Variants in CSF2 observed in about 807,000 individuals in gnomAD.
CSF2 encodes the protein colony stimulating factor 2, also known as granulocyte-macrophage colony-stimulating factor.
A neutral mutation model predicts 13.5 loss-of-function variants in CSF2; 2 were observed. That is an observed-to-expected ratio of 0.15 (90% CI 0.06 to 0.47). The LOEUF is 0.47. CSF2 is among the 20% of genes least tolerant of loss of function. CSF2 has a pLI of 0.97. For synonymous variants in CSF2, 66 were observed against 69.2 expected (o/e 0.95, Z 0.23); for missense variants, 141 against 179.7 (o/e 0.78, Z 1.23).
rs1310133819 is a variant in CSF2, at chr5:132,075,881, G to A, written c.*29G>A. 6.6e-7 allele frequency: 1 copy of A among 1,511,362 alleles called. No homozygotes were observed. The highest frequency in any genetic ancestry group is 1.4e-5 in the African/African-American group (1 of 72,826). The allele number at this position is 1,511,362 out of a possible 1,614,324, so 93.6% of individuals were successfully genotyped here. A position where few individuals can be genotyped will look rare whatever the true frequency, so the allele number is the denominator to read the frequency against. On this transcript the variant is annotated 3_prime_UTR_variant, in exon 4 of 4. Coordinates refer to ENST00000296871, the MANE Select transcript of CSF2 (RefSeq NM_000758.4). Reference sequence around the variant, plus strand: ...CGGCCAGATGAGGCTGGCCAAGCCGGGGAGCTGCTCTCTCATGAAACAAGA... The same window carrying A: ...CGGCCAGATGAGGCTGGCCAAGCCGAGGAGCTGCTCTCTCATGAAACAAGA...
At position 132,074,074 on chromosome 5, in the gene CSF2, T is replaced by A. The variant is rs925385229; in HGVS notation, c.160-7T>A. 3 of 1,613,840 alleles carry A rather than the reference T, an allele frequency of 1.9e-6. No homozygotes were observed. Among genetic ancestry groups the A allele is most frequent in the South Asian group, 2.2e-5 (2 of 91,086 alleles). ...GCTTGATAACATGACATTTTCCTTTTCTACAGAATGAAACAGTAGAAGTCA... is the reference window on the plus strand; with the variant it reads ...GCTTGATAACATGACATTTTCCTTTACTACAGAATGAAACAGTAGAAGTCA... On this transcript the variant is annotated splice_polypyrimidine_tract_variant and splice_region_variant and intron_variant, in intron 1 of 3. Coordinates refer to ENST00000296871, the MANE Select transcript of CSF2 (RefSeq NM_000758.4).
intron 2 of CSF2, 81 bp downstream of exon 2, chr5:132,074,203 A>ACT: frequency 1.3e-6 from 2 of 1,495,880 alleles, no homozygotes; most frequent in Non-Finnish European, 1.9e-6. Context: ...AGATGGCACC[A>ACT]CACAGGGTTG....
intron 3 of CSF2, among the ~76,000 whole-genome samples, chr5:132,075,207 AG>A (rs2069628): frequency 0.041 from 6,283 of 152,326 alleles, 407 homozygotes; most frequent in African/African-American, 0.14. Context: ...GTCAGAGGTG[AG>A]GGCAAACCCA....
In CSF2 at chr5:132,073,795, C is replaced by T; in HGVS notation, c.-29C>T. 6.2e-7 allele frequency: 1 copy of T among 1,611,352 alleles called. No homozygotes were observed. The highest frequency in any genetic ancestry group is 1.3e-5 in the African/African-American group (1 of 75,024). On this transcript the variant is annotated 5_prime_UTR_variant, in exon 1 of 4. Transcript: ENST00000296871. ...CTCTTTTGCCAGTGAGCCCAGTACA[C>T]AGAGAGAAAGGCTAAAGTTCTCTGG...
Position 132,075,898 on chromosome 5 carries a change from G to T in CSF2, c.*46G>T. 1 of 1,422,542 alleles carries T rather than the reference G, an allele frequency of 7.0e-7. No homozygotes were observed. The highest frequency in any genetic ancestry group is 2.3e-5 in the East Asian group (1 of 43,788). 88.1% of individuals were successfully genotyped at this position (1,422,542 alleles called of 1,614,324 possible). A position where few individuals can be genotyped will look rare whatever the true frequency, so the allele number is the denominator to read the frequency against. On this transcript the variant is annotated 3_prime_UTR_variant, in exon 4 of 4. Coordinates refer to ENST00000296871, the MANE Select transcript of CSF2 (RefSeq NM_000758.4). Reference sequence around the variant, plus strand: ...CCAAGCCGGGGAGCTGCTCTCTCATGAAACAAGAGCTAGAAACTCAGGATG... The same window carrying T: ...CCAAGCCGGGGAGCTGCTCTCTCATTAAACAAGAGCTAGAAACTCAGGATG...
chr5:132,075,690 C>T (rs1188850610), intron 3 of CSF2, 55 bp from the exon 4 acceptor site: 2 of 1,336,670 alleles, frequency 1.5e-6, no homozygotes, highest in South Asian at 2.3e-5. Context: ...GCTTCCTTCC[C>T]CCACGTTACC....
In CSF2 at chr5:132,074,100, T is replaced by C. The variant is rs1400922263; in HGVS notation, c.179T>C (p.Ile60Thr). 13 of 1,613,864 alleles carry C rather than the reference T, an allele frequency of 8.1e-6. No individual in the cohort carries two copies. The highest frequency in any genetic ancestry group is 1.0e-5 in the Non-Finnish European group (12 of 1,180,038). ...CTACAGAATGAAACAGTAGAAGTCA[T>C]CTCAGAAATGTTTGACCTCCAGGTA... is the stretch of plus-strand genomic sequence containing the variant. Reference protein sequence around the residue: ...AAEMNETVEVISEMFDLQEPT... With the variant: ...AAEMNETVEVTSEMFDLQEPT... The change falls in exon 2 of 4, where the codon ATC becomes ACC. Residue 60 changes from isoleucine to threonine, a missense_variant. Coordinates refer to ENST00000296871, the MANE Select transcript of CSF2 (RefSeq NM_000758.4).
At chr5:132,074,192 T>G in intron 2 of CSF2, 70 bp downstream of exon 2, 1 of 1,534,506 alleles carries the variant, frequency 6.5e-7, no homozygotes, top group Non-Finnish European at 9.0e-7. Context: ...GACTCCATTT[T>G]AGATGGCACC....
intron 3 of CSF2, among the ~76,000 whole-genome samples, chr5:132,075,469 AC>A (rs1237621879): frequency 6.6e-6 from 1 of 152,032 alleles, no homozygotes; most frequent in Non-Finnish European, 1.5e-5. Context: ...CTGCCCTGGG[AC>A]CAAAAAGGCA....
At chr5:132,074,041 G>A (rs763175811) in intron 1 of CSF2, 40 bp from the exon 2 acceptor site, 13 of 1,613,578 alleles carry the variant, frequency 8.1e-6, no homozygotes, top group South Asian at 3.3e-5. Flanking sequence ...GACTGGCCAC[G>A]CCTGTCAGCT....
chr5:132,075,114 G>C (rs1326392668), intron 3 of CSF2, among the ~76,000 whole-genome samples, 179 bp downstream of exon 3: 1 of 152,240 alleles, frequency 6.6e-6, no homozygotes, highest in Non-Finnish European at 1.5e-5. Flanking sequence ...CAAGGAGTCA[G>C]AGCCACAGAG....
rs1756699674 is a variant in CSF2, at chr5:132,075,945, G to A, written c.*93G>A. 9.6e-7 allele frequency: 1 copy of A among 1,043,744 alleles called. No homozygotes were observed. The highest frequency in any genetic ancestry group is 1.7e-5 in the Admixed American group (1 of 58,652). 64.7% of individuals were successfully genotyped at this position (1,043,744 alleles called of 1,614,324 possible). A position where few individuals can be genotyped will look rare whatever the true frequency, so the allele number is the denominator to read the frequency against. On this transcript the variant is annotated 3_prime_UTR_variant, in exon 4 of 4. Transcript: ENST00000296871. ...GATGGTCATCTTGGAGGGACCAAGG[G>A]GTGGGCCACAGCCATGGTGGGAGTG...
At position 132,075,944 on chromosome 5, in the gene CSF2, G is replaced by A. The variant is rs1756699637; in HGVS notation, c.*92G>A. On this transcript the variant is annotated 3_prime_UTR_variant, in exon 4 of 4. Coordinates refer to ENST00000296871, the MANE Select transcript of CSF2 (RefSeq NM_000758.4). ...GGATGGTCATCTTGGAGGGACCAAG[G>A]GGTGGGCCACAGCCATGGTGGGAGT... The A allele has an allele frequency of 2.8e-6, 3 of 1,057,364 alleles. No homozygotes were observed. The highest frequency in any genetic ancestry group is 2.9e-6 in the Non-Finnish European group (2 of 688,658). The allele number at this position is 1,057,364 out of a possible 1,614,324, so 65.5% of individuals were successfully genotyped here. A position where few individuals can be genotyped will look rare whatever the true frequency, so the allele number is the denominator to read the frequency against.
intron 2 of CSF2, 49 bp from the exon 3 acceptor site, chr5:132,074,761 C>T: frequency 6.2e-7 from 1 of 1,613,626 alleles, no homozygotes; most frequent in Non-Finnish European, 8.5e-7. Context: ...GTTCTTGTAC[C>T]ACTGTGGGCA....
Position 132,073,976 on chromosome 5 carries a change from T to C in CSF2, c.153T>C (p.Ala51=), listed in dbSNP as rs1561836035. The change falls in exon 1 of 4, where the codon GCT becomes GCC. Residue 51 remains alanine (A), a synonymous_variant. Coordinates refer to ENST00000296871, the MANE Select transcript of CSF2 (RefSeq NM_000758.4). The stretch of plus-strand genomic sequence containing the variant: ...TGAACCTGAGTAGAGACACTGCTGC[T>C]GAGATGGTAAGTGAGAGAATGTGGG... The part of the protein sequence containing the change: ...RLLNLSRDTA[A]EMNETVEVIS... 6.2e-7 allele frequency: 1 copy of C among 1,613,568 alleles called. No homozygotes were observed. Among genetic ancestry groups the C allele is most frequent in the East Asian group, 2.2e-5 (1 of 44,884 alleles).
rs1039716577 is a variant in CSF2 at position 132,075,034 on chromosome 5, G to C, written c.327+99G>C. On this transcript the variant is annotated intron_variant, in intron 3 of 3. Transcript: ENST00000296871. ...ATGGCTGTGGCTGTTCAGGACCCCA[G>C]GGGGTTTCTGTGCCAACAGTTATGT... 7 of 1,572,112 alleles carry C rather than the reference G, an allele frequency of 4.5e-6. No homozygotes were observed. In the African/African-American group the frequency reaches 9.5e-5, roughly 21 times the overall value.
chr5:132,075,907 G>A lies in CSF2; in HGVS notation c.*55G>A. 1 of 1,384,018 alleles carries A rather than the reference G, an allele frequency of 7.2e-7. No individual in the cohort carries two copies. Among genetic ancestry groups the A allele is most frequent in the Non-Finnish European group, 1.0e-6 (1 of 982,472 alleles). The allele number at this position is 1,384,018 out of a possible 1,614,324, so 85.7% of individuals were successfully genotyped here. On this transcript the variant is annotated 3_prime_UTR_variant, in exon 4 of 4. Transcript: ENST00000296871. ...GGAGCTGCTCTCTCATGAAACAAGA[G>A]CTAGAAACTCAGGATGGTCATCTTG... is the stretch of plus-strand genomic sequence containing the variant.
intron 3 of CSF2, among the ~76,000 whole-genome samples, chr5:132,075,491 T>C (rs1399717707): frequency 6.6e-6 from 1 of 152,154 alleles, no homozygotes; most frequent in Non-Finnish European, 1.5e-5. Flanking sequence ...GGCGTTTGAC[T>C]GCCCAGAAGG....
Position 132,074,951 on chromosome 5 carries a change from AG to A in CSF2, c.327+19del, listed in dbSNP as rs1756682747. 1 of 1,613,026 alleles carries A rather than the reference AG, an allele frequency of 6.2e-7. No individual in the cohort carries two copies. On this transcript the variant is annotated intron_variant, in intron 3 of 3. Transcript: ENST00000296871. ...TCCAACCCCGGTGAGTGCCTACGGCAGGGCCTCCAGCAGGAATGTCTTAATC... is the reference window on the plus strand; with the variant it reads ...TCCAACCCCGGTGAGTGCCTACGGCAGGCCTCCAGCAGGAATGTCTTAATC...
Sources: gnomAD v4.1 joint callset for allele counts (sites outside exome capture counted in the v4.1 genomes callset) on GRCh38, gnomAD v4.1.1 for gene constraint, MANE v1.5 for transcripts, NCBI Gene and HGNC (gene_info 2026-07-23, HGNC 2026-07-21) for gene names.